Variants in AFAP1L2 observed in about 807,000 individuals in gnomAD.
AFAP1L2 encodes the protein actin filament associated protein 1 like 2, also known as actin filament-associated protein 1-like 2.
In AFAP1L2, 46 loss-of-function variants were observed where a neutral mutation model predicts 99.3. The observed-to-expected ratio is 0.46, with a 90% CI of 0.37 to 0.59. The LOEUF (loss-of-function observed/expected upper bound fraction) is 0.59. Ranked by LOEUF, AFAP1L2 falls within the 20% of genes least tolerant of loss-of-function variation. The pLI is 0.00. For missense variants in AFAP1L2, 959 were observed against 1,034.9 expected (o/e 0.93, Z 1.01); for synonymous variants, 397 against 419.1 (o/e 0.95, Z 0.64).
the AFAP1L2 span, chr10:114,285,822 G>T: frequency 8.7e-7 from 1 of 1,152,980 alleles, no homozygotes; most frequent in Admixed American, 3.0e-5. Flanking sequence ...TAAGCTTGGG[G>T]GGCCCACAGT....
At chr10:114,361,013 G>A (rs2052322901) in intron 1 of AFAP1L2, among the ~76,000 whole-genome samples, 1 of 152,178 alleles carries the variant, frequency 6.6e-6, no homozygotes, top group African/African-American at 2.4e-5. Context: ...CCACATGGCT[G>A]GGGAAGCCTC....
chr10:114,312,253 G>C (rs1377105946), intron 7 of AFAP1L2, among the ~76,000 whole-genome samples: 1 of 132,876 alleles, frequency 7.5e-6, no homozygotes. Flanking sequence ...GTGTGTGTGT[G>C]TGTGTGTGTG....
At chr10:114,289,360 G>A in the AFAP1L2 span, 37 of 1,614,204 alleles carry the variant, frequency 2.3e-5, no homozygotes, top group Admixed American at 1.7e-4. Context: ...TGTCTTGGTC[G>A]TGGGCGTGGG....
chr10:114,307,604 T>C (rs926484013), intron 10 of AFAP1L2, among the ~76,000 whole-genome samples: 2 of 151,902 alleles, frequency 1.3e-5, no homozygotes, highest in African/African-American at 4.8e-5. Context: ...GCCCCAACAT[T>C]GCAGCAAGAG....
At chr10:114,283,354 C>T in the AFAP1L2 span, among the ~76,000 whole-genome samples, 2 of 151,784 alleles carry the variant, frequency 1.3e-5, no homozygotes, top group Admixed American at 1.3e-4. Context: ...GGCAGGGTAG[C>T]GAGCAGTTAG....
intron 1 of AFAP1L2, among the ~76,000 whole-genome samples, chr10:114,400,455 C>A: frequency 6.6e-6 from 1 of 152,186 alleles, no homozygotes; most frequent in East Asian, 1.9e-4. Flanking sequence ...AAGGAGCAAA[C>A]CCTGAGCTTA....
chr10:114,347,560 T>C (rs912478925), intron 1 of AFAP1L2, among the ~76,000 whole-genome samples: 3 of 152,168 alleles, frequency 2.0e-5, no homozygotes, highest in Non-Finnish European at 4.4e-5. Flanking sequence ...ACTGCACCCT[T>C]GACCTCCCAG....
rs201715865 is a variant in AFAP1L2 at position 114,296,362 on chromosome 10, A to G, written c.2431-294T>C. On this transcript the variant is annotated intron_variant, in intron 18 of 18. Coordinates refer to ENST00000304129, the MANE Select transcript of AFAP1L2 (RefSeq NM_001001936.3). ...TTAGCCATTGTTGTGGGACCTCCAA[A>G]TATCTCCAGCAGGTAAGGAGGATAG... 1.4e-5 allele frequency: 6 copies of G among 432,442 alleles called. No homozygotes were observed. In the East Asian group the frequency reaches 2.4e-4, roughly 17 times the overall value. The allele number at this position is 432,442 out of a possible 1,614,324, so 26.8% of individuals were successfully genotyped here.
At chr10:114,284,136 A>G in the AFAP1L2 span, among the ~76,000 whole-genome samples, 1 of 152,244 alleles carries the variant, frequency 6.6e-6, no homozygotes, top group African/African-American at 2.4e-5. Context: ...ATCATAGATC[A>G]GACGCTTCAG....
chr10:114,295,035 A>T lies in AFAP1L2; in HGVS notation c.*1007T>A. On this transcript the variant is annotated 3_prime_UTR_variant, in exon 19 of 19. Transcript: ENST00000304129. The stretch of plus-strand genomic sequence containing the variant: ...CTGTGTTAAAAAAAAAAAAAAAAAA[A>T]TGCCATCAGAGGAAAAGACAGGGGC... The T allele has an allele frequency of 1.0e-6, 1 of 980,574 alleles. No homozygotes were observed. The highest frequency in any genetic ancestry group is 1.2e-6 in the Non-Finnish European group (1 of 827,780). The allele number at this position is 980,574 out of a possible 1,614,324, so 60.7% of individuals were successfully genotyped here.
chr10:114,358,370 TA>T (rs1336974125), intron 1 of AFAP1L2, among the ~76,000 whole-genome samples: 1 of 152,142 alleles, frequency 6.6e-6, no homozygotes, highest in Non-Finnish European at 1.5e-5. Context: ...TGACAAAGGA[TA>T]TCTCACTGAA....
chr10:114,392,825 G>A (rs1381247212), intron 1 of AFAP1L2, among the ~76,000 whole-genome samples: 4 of 152,200 alleles, frequency 2.6e-5, no homozygotes, highest in African/African-American at 9.7e-5. Context: ...GCGAGGAACT[G>A]AAGTCTCTCC....
At chr10:114,392,721 G>C (rs1362260159) in intron 1 of AFAP1L2, among the ~76,000 whole-genome samples, 3 of 152,208 alleles carry the variant, frequency 2.0e-5, no homozygotes, top group Admixed American at 6.5e-5. Flanking sequence ...TTTGCTGCAA[G>C]CTATGTGACC....
chr10:114,293,776 T>C (rs1332141796), downstream of AFAP1L2, among the ~76,000 whole-genome samples: 1 of 152,232 alleles, frequency 6.6e-6, no homozygotes, highest in African/African-American at 2.4e-5. Flanking sequence ...CTTGCTTTTC[T>C]AGAGAAATAT....
At chr10:114,327,984 G>A (rs2046639604) in intron 4 of AFAP1L2, among the ~76,000 whole-genome samples, 1 of 152,246 alleles carries the variant, frequency 6.6e-6, no homozygotes, top group Non-Finnish European at 1.5e-5. Flanking sequence ...CCACAGAGAA[G>A]CTCATGTAAG....
At chr10:114,349,211 C>G (rs1216531543) in intron 1 of AFAP1L2, among the ~76,000 whole-genome samples, 2 of 151,726 alleles carry the variant, frequency 1.3e-5, no homozygotes, top group African/African-American at 4.8e-5. Flanking sequence ...AACCCCGCCT[C>G]TACTAAAAAT....
At chr10:114,340,198 G>T (rs1024855847) in intron 2 of AFAP1L2, among the ~76,000 whole-genome samples, 1 of 145,988 alleles carries the variant, frequency 6.8e-6, no homozygotes, top group African/African-American at 2.5e-5. Context: ...AAAAAAAATA[G>T]CTGGGCATGG....
chr10:114,400,636 T>C (rs2058144759), intron 1 of AFAP1L2, among the ~76,000 whole-genome samples: 1 of 152,270 alleles, frequency 6.6e-6, no homozygotes, highest in East Asian at 1.9e-4. Flanking sequence ...CACTTGCTTT[T>C]ACTTTTCCAG....
At chr10:114,374,115 C>T in intron 1 of AFAP1L2, among the ~76,000 whole-genome samples, 1 of 152,156 alleles carries the variant, frequency 6.6e-6, no homozygotes, top group East Asian at 1.9e-4. Flanking sequence ...ATTCTCACTC[C>T]TCCTCTGTTG....
Sources: allele counts gnomAD v4.1 joint callset (sites outside exome capture counted in the v4.1 genomes callset), GRCh38; gene constraint gnomAD v4.1.1; transcripts MANE v1.5; gene names NCBI Gene and HGNC (gene_info 2026-07-23, HGNC 2026-07-21).